SPTSSB: variants seen among roughly 807,000 people sequenced by gnomAD.
The protein encoded by SPTSSB is androgen down regulated in mouse prostate.
Under a neutral mutation model 7.7 loss-of-function variants are expected in SPTSSB, and 6 were observed. The ratio of observed to expected loss-of-function variants is 0.78; its 90% confidence interval spans 0.43 to 1.54. The LOEUF (loss-of-function observed/expected upper bound fraction) is 1.54. SPTSSB is among the 40% of genes most tolerant of loss of function. The pLI, the probability that SPTSSB is intolerant of heterozygous loss-of-function variation, is 0.01. For synonymous variants in SPTSSB, 28 were observed against 29.7 expected, an observed-to-expected ratio of 0.94 and a Z score of 0.19; for missense variants, 91 against 93.0, an observed-to-expected ratio of 0.98 and a Z score of 0.09.
At chr3:161,359,743 A>T (rs1714931158) in intron 2 of SPTSSB, 59 bp downstream of exon 2, 1 of 985,264 alleles carries the variant, frequency 1.0e-6, no homozygotes, top group Admixed American at 6.1e-5. Context: ...GCCATCTCAC[A>T]GTGAAAAGGG....
rs551545069 is a variant in SPTSSB at position 161,361,976 on chromosome 3, C to T, written c.-125-2082G>A. ...TTGTTCTAAATTATAACCTGATTTT[C>T]CTGCCCATCAAAACCAGAACTAGGC... is the stretch of plus-strand genomic sequence containing the variant. On this transcript the variant is annotated intron_variant, in intron 1 of 2. Transcript: ENST00000620149. Among the ~76,000 whole-genome samples, 16 of 152,192 alleles carry T rather than the reference C, an allele frequency of 1.1e-4. No homozygotes were observed. The South Asian group carries it at 3.1e-3, about 30-fold the overall frequency.
At chr3:161,352,088 A>G (rs58550445) in intron 2 of SPTSSB, among the ~76,000 whole-genome samples, 3,612 of 152,300 alleles carry the variant, frequency 0.024, 106 homozygotes, top group East Asian at 0.071. Context: ...TTTACCTTAC[A>G]GTCTTCTAAA....
chr3:161,346,869 G>C (rs1486496594), intron 2 of SPTSSB, among the ~76,000 whole-genome samples: 2 of 152,154 alleles, frequency 1.3e-5, no homozygotes, highest in African/African-American at 4.8e-5. Context: ...CTTTTGAGGG[G>C]CCACGGAGGG....
At chr3:161,354,087 A>C (rs1424867604) in intron 2 of SPTSSB, among the ~76,000 whole-genome samples, 1 of 152,204 alleles carries the variant, frequency 6.6e-6, no homozygotes, top group Non-Finnish European at 1.5e-5. Flanking sequence ...CTTTCTCTAC[A>C]CATTCATTAG....
At chr3:161,347,367 C>T (rs1239593603) in intron 2 of SPTSSB, among the ~76,000 whole-genome samples, 1 of 152,034 alleles carries the variant, frequency 6.6e-6, no homozygotes, top group East Asian at 2.0e-4. Context: ...AAGAGATTCT[C>T]CTGCCTCAGT....
chr3:161,367,628 A>AT (rs1715276857), intron 1 of SPTSSB, among the ~76,000 whole-genome samples: 1 of 152,226 alleles, frequency 6.6e-6, no homozygotes, highest in Non-Finnish European at 1.5e-5. Context: ...CATATTAATT[A>AT]TTTGGGAGAG....
intron 2 of SPTSSB, among the ~76,000 whole-genome samples, chr3:161,349,205 C>T (rs569926595): frequency 6.6e-6 from 1 of 152,198 alleles, no homozygotes; most frequent in Admixed American, 6.5e-5. Context: ...AAGCAGCAAA[C>T]TGGACCATAT....
At chr3:161,370,118 CTCTT>C (rs920703133) in intron 1 of SPTSSB, among the ~76,000 whole-genome samples, 1 of 152,100 alleles carries the variant, frequency 6.6e-6, no homozygotes, top group African/African-American at 2.4e-5. Context: ...TGGCAAAACT[CTCTT>C]TATAATTAGC....
In SPTSSB at chr3:161,346,208, A is replaced by G. The variant is rs1714219557; in HGVS notation, c.116T>C (p.Leu39Pro). The change falls in exon 3 of 3, where the codon CTA (leucine) becomes CCA (proline). Residue 39 changes from leucine (L) to proline (P), a missense_variant. Coordinates refer to ENST00000620149, the MANE Select transcript of SPTSSB (RefSeq NM_001040100.2). ...WERSMFNTILLTIIAMVVYTA... is the reference protein window; with the variant it reads ...WERSMFNTILPTIIAMVVYTA... The stretch of plus-strand genomic sequence containing the variant: ...GTATACCACCATAGCAATAATGGTT[A>G]GTAAGATGGTGTTAAACATAGATCG... The G allele has an allele frequency of 1.2e-6, 2 of 1,612,034 alleles. No homozygotes were observed.
At chr3:161,365,526 A>G (rs1318889853) in intron 1 of SPTSSB, among the ~76,000 whole-genome samples, 1 of 152,246 alleles carries the variant, frequency 6.6e-6, no homozygotes, top group African/African-American at 2.4e-5. Flanking sequence ...TGCAAAAGGC[A>G]TATAACATAT....
chr3:161,364,871 C>T (rs336582), intron 1 of SPTSSB, among the ~76,000 whole-genome samples: 84,645 of 151,728 alleles, frequency 0.56, 24,582 homozygotes, highest in East Asian at 0.88. Flanking sequence ...ACATCTTGCG[C>T]TTTTTTCCTT....
At chr3:161,356,408 G>A (rs1004631314) in intron 2 of SPTSSB, among the ~76,000 whole-genome samples, 1 of 152,114 alleles carries the variant, frequency 6.6e-6, no homozygotes, top group Non-Finnish European at 1.5e-5. Context: ...TTTTTATCCA[G>A]TGAATAATTT....
chr3:161,365,503 T>G, intron 1 of SPTSSB, among the ~76,000 whole-genome samples: 1 of 152,240 alleles, frequency 6.6e-6, no homozygotes, highest in East Asian at 1.9e-4. Flanking sequence ...TCCTGTGTTC[T>G]CAGACATTTT....
At chr3:161,347,664 G>A (rs1251872657) in intron 2 of SPTSSB, among the ~76,000 whole-genome samples, 3 of 151,714 alleles carry the variant, frequency 2.0e-5, no homozygotes, top group Admixed American at 6.6e-5. Context: ...CTGGGGCCTG[G>A]AGTTTGAGAC....
chr3:161,357,408 A>G lies in SPTSSB; in HGVS notation c.-33+2394T>C, dbSNP rs566356541. 1.1e-4 allele frequency among the ~76,000 whole-genome samples: 16 copies of G among 152,372 alleles called. No individual in the cohort carries two copies. In the East Asian group the frequency reaches 3.1e-3, roughly 29 times the overall value. ...CATCCTCCTTCACCTGCTCCCAGCC[A>G]TATGGCTACCTACATGCTTCCAGTG... On this transcript the variant is annotated intron_variant, in intron 2 of 2. Coordinates refer to ENST00000620149, the MANE Select transcript of SPTSSB (RefSeq NM_001040100.2).
At chr3:161,361,762 T>C (rs919744660) in intron 1 of SPTSSB, among the ~76,000 whole-genome samples, 1 of 152,160 alleles carries the variant, frequency 6.6e-6, no homozygotes, top group Non-Finnish European at 1.5e-5. Context: ...ACAGATTCCT[T>C]TTAGGTGATT....
At chr3:161,356,527 T>G (rs1714776087) in intron 2 of SPTSSB, among the ~76,000 whole-genome samples, 1 of 152,238 alleles carries the variant, frequency 6.6e-6, no homozygotes, top group Non-Finnish European at 1.5e-5. Flanking sequence ...AGCCAAGACC[T>G]TTCCAATAGT....
At chr3:161,358,497 T>TA (rs1714876657) in intron 2 of SPTSSB, among the ~76,000 whole-genome samples, 1 of 152,136 alleles carries the variant, frequency 6.6e-6, no homozygotes, top group Non-Finnish European at 1.5e-5. Flanking sequence ...CTGGGATGAT[T>TA]AAAAAGTATA....
chr3:161,368,457 C>T (rs973473338), intron 1 of SPTSSB, among the ~76,000 whole-genome samples: 2 of 149,420 alleles, frequency 1.3e-5, no homozygotes, highest in African/African-American at 4.9e-5. Flanking sequence ...GACGGAGTCT[C>T]GCTCTGTCGC....
Sources: gnomAD v4.1 joint callset for allele counts (sites outside exome capture counted in the v4.1 genomes callset) on GRCh38, gnomAD v4.1.1 for gene constraint, MANE v1.5 for transcripts, NCBI Gene and HGNC (gene_info 2026-07-23, HGNC 2026-07-21) for gene names.